SLMAP: variants seen among roughly 807,000 people sequenced by gnomAD.
SLMAP encodes the protein sarcolemma associated protein, also known as sarcolemmal membrane-associated protein.
In SLMAP, 44 loss-of-function variants were observed where a neutral mutation model predicts 128.8. That is an observed-to-expected ratio of 0.34 (90% CI 0.27 to 0.44). The LOEUF (loss-of-function observed/expected upper bound fraction) is 0.44. SLMAP is among the 20% of genes least tolerant of loss of function. SLMAP has a pLI of 1.00. For missense variants in SLMAP, 787 were observed against 985.3 expected (o/e 0.80, Z 2.69); for synonymous variants, 327 against 348.8 (o/e 0.94, Z 0.70).
chr3:57,913,042 ACTTG>A, intron 20 of SLMAP, 112 bp from the exon 21 acceptor site: 1 of 569,514 alleles, frequency 1.8e-6, no homozygotes, highest in Non-Finnish European at 3.1e-6. Context: ...TGTAAAATCT[ACTTG>A]CTTTTAAGGG....
At chr3:57,848,919 G>T (rs1287471870) in intron 5 of SLMAP, among the ~76,000 whole-genome samples, 1 of 151,804 alleles carries the variant, frequency 6.6e-6, no homozygotes, top group Non-Finnish European at 1.5e-5. Flanking sequence ...ATGTCGGTCA[G>T]GCTGGTCTTG....
chr3:57,762,460 T>C (rs2078880373), intron 2 of SLMAP, among the ~76,000 whole-genome samples: 1 of 152,020 alleles, frequency 6.6e-6, no homozygotes, highest in African/African-American at 2.4e-5. Flanking sequence ...ATCTGCAAAA[T>C]GTAGGCAGGT....
chr3:57,803,469 A>G, intron 2 of SLMAP, among the ~76,000 whole-genome samples: 1 of 152,228 alleles, frequency 6.6e-6, no homozygotes, highest in Admixed American at 6.5e-5. Flanking sequence ...TTGTTGGTCT[A>G]GTCTGTGTGC....
chr3:57,850,015 A>G (rs954509080), intron 6 of SLMAP, among the ~76,000 whole-genome samples, 199 bp downstream of exon 6: 2 of 152,090 alleles, frequency 1.3e-5, no homozygotes, highest in Non-Finnish European at 2.9e-5. Context: ...TAATTTAAAA[A>G]AATTTTTTTA....
At chr3:57,918,572 A>G (rs570802041) in intron 22 of SLMAP, 67 of 152,228 alleles carry the variant, frequency 4.4e-4, no homozygotes, top group African/African-American at 1.5e-3. Flanking sequence ...CTCCTTTGTA[A>G]TGTGAAATTG....
intron 10 of SLMAP, 118 bp downstream of exon 10, chr3:57,862,204 G>A: frequency 2.7e-6 from 2 of 749,108 alleles, no homozygotes; most frequent in Admixed American, 2.5e-5. Flanking sequence ...TGTAATCCCA[G>A]CTTCTCAGGA....
chr3:57,926,083 A>G (rs972688609), intron 24 of SLMAP, 149 bp downstream of exon 24: 1 of 634,538 alleles, frequency 1.6e-6, no homozygotes, highest in South Asian at 1.9e-5. Flanking sequence ...GTGTCATACC[A>G]ATGAACTGAA....
chr3:57,803,478 GC>G (rs2089076915), intron 2 of SLMAP, among the ~76,000 whole-genome samples: 1 of 152,184 alleles, frequency 6.6e-6, no homozygotes, highest in Non-Finnish European at 1.5e-5. Flanking sequence ...TAGTCTGTGT[GC>G]CAAGCATTGT....
chr3:57,849,718 A>T (rs757624918), intron 5 of SLMAP, 36 bp from the exon 6 acceptor site: 1 of 1,111,032 alleles, frequency 9.0e-7, no homozygotes, highest in African/African-American at 1.5e-5. Flanking sequence ...TTCTTTATGA[A>T]GTGTTTTCTG....
chr3:57,870,043 A>G (rs2153614858), intron 13 of SLMAP, among the ~76,000 whole-genome samples: 1 of 152,168 alleles, frequency 6.6e-6, no homozygotes, highest in African/African-American at 2.4e-5. Flanking sequence ...AGTTCAGATA[A>G]AAGTGTGATT....
At chr3:57,814,670 C>G (rs1298817297) in intron 2 of SLMAP, among the ~76,000 whole-genome samples, 5 of 152,020 alleles carry the variant, frequency 3.3e-5, no homozygotes, top group Non-Finnish European at 7.4e-5. Context: ...TAGTAATTTC[C>G]TCTTGATATA....
chr3:57,798,164 T>C (rs145795739), intron 2 of SLMAP, among the ~76,000 whole-genome samples: 1 of 152,350 alleles, frequency 6.6e-6, no homozygotes, highest in East Asian at 1.9e-4. Flanking sequence ...TTACCAAGAA[T>C]ATTTTTAGTG....
chr3:57,830,187 A>G (rs1472448437), intron 2 of SLMAP, among the ~76,000 whole-genome samples: 1 of 152,098 alleles, frequency 6.6e-6, no homozygotes, highest in Admixed American at 6.6e-5. Context: ...GGCACGTGCC[A>G]CCACACCACC....
chr3:57,770,778 A>T (rs2080683539), intron 2 of SLMAP, among the ~76,000 whole-genome samples: 1 of 152,234 alleles, frequency 6.6e-6, no homozygotes, highest in South Asian at 2.1e-4. Flanking sequence ...CAGGATAGGC[A>T]GTCAATAGCT....
chr3:57,832,165 A>T (rs1278148869), intron 3 of SLMAP, among the ~76,000 whole-genome samples: 1 of 152,190 alleles, frequency 6.6e-6, no homozygotes, highest in Non-Finnish European at 1.5e-5. Flanking sequence ...ATACATAGTT[A>T]CCTGCAGCTA....
chr3:57,925,793 T>C, intron 23 of SLMAP, 52 bp from the exon 24 acceptor site: 2 of 1,313,644 alleles, frequency 1.5e-6, no homozygotes, highest in South Asian at 2.5e-5. Flanking sequence ...AATCCTCTTA[T>C]CTGATTACTT....
At chr3:57,867,237 A>T (rs2095329800) in intron 13 of SLMAP, among the ~76,000 whole-genome samples, 1 of 152,144 alleles carries the variant, frequency 6.6e-6, no homozygotes, top group South Asian at 2.1e-4. Context: ...TTTTATATTA[A>T]TAATGTTAGT....
intron 17 of SLMAP, among the ~76,000 whole-genome samples, chr3:57,903,550 A>G (rs1261516645): frequency 6.6e-6 from 1 of 152,138 alleles, no homozygotes; most frequent in Non-Finnish European, 1.5e-5. Flanking sequence ...TTTAAGTTGA[A>G]TCTCCAGTCA....
At chr3:57,901,702 G>C (rs1049443475) in intron 17 of SLMAP, 4 of 152,240 alleles carry the variant, frequency 2.6e-5, no homozygotes, top group African/African-American at 9.7e-5. Context: ...AAAAAGGAAA[G>C]GGGATGGGGG....
Sources: allele counts gnomAD v4.1 joint callset (sites outside exome capture counted in the v4.1 genomes callset), GRCh38; gene constraint gnomAD v4.1.1; transcripts MANE v1.5; gene names NCBI Gene and HGNC (gene_info 2026-07-23, HGNC 2026-07-21).